The following HPGDS variants were observed in gnomAD, a reference collection of about 807,000 sequenced individuals.
HPGDS encodes GST class-sigma.
Under a neutral mutation model 23.1 loss-of-function variants are expected in HPGDS, and 26 were observed. The observed-to-expected ratio is 1.13, with a 90% confidence interval of 0.83 to 1.56. The LOEUF is 1.56. HPGDS is among the 40% of genes most tolerant of loss of function. The pLI, the probability that HPGDS is intolerant of heterozygous loss-of-function variation, is 0.00. For synonymous variants in HPGDS, 95 were observed against 77.9 expected (o/e 1.22, Z -1.16); for missense variants, 268 against 236.4 (o/e 1.13, Z -0.88).
intron 3 of HPGDS, among the ~76,000 whole-genome samples, chr4:94,312,689 A>G (rs1017763284): frequency 6.6e-6 from 1 of 152,118 alleles, no homozygotes; most frequent in Admixed American, 6.6e-5. Flanking sequence ...ATTCCTGGAT[A>G]TCCTTGTTAA....
intron 2 of HPGDS, among the ~76,000 whole-genome samples, chr4:94,320,518 A>G (rs1435926250): frequency 6.6e-6 from 1 of 152,192 alleles, no homozygotes; most frequent in Non-Finnish European, 1.5e-5. Flanking sequence ...ACCAGTGATG[A>G]CGAGCATTTT....
At chr4:94,340,280 T>G (rs1314821586) in intron 1 of HPGDS, among the ~76,000 whole-genome samples, 17 of 62,980 alleles carry the variant, frequency 2.7e-4, no homozygotes, top group African/African-American at 8.7e-4. Flanking sequence ...TTTCTTTCTT[T>G]CTTTCTTTCT....
chr4:94,305,522 T>C (rs1273331306), intron 4 of HPGDS, among the ~76,000 whole-genome samples: 2 of 152,148 alleles, frequency 1.3e-5, no homozygotes, highest in East Asian at 3.8e-4. Context: ...TGCTTAAATA[T>C]GTGCTTAAGT....
intron 3 of HPGDS, among the ~76,000 whole-genome samples, chr4:94,311,154 C>G (rs1027621298): frequency 6.6e-6 from 1 of 152,148 alleles, no homozygotes; most frequent in Non-Finnish European, 1.5e-5. Context: ...ATTGCCCTGG[C>G]CAGAACTTCC....
intron 2 of HPGDS, among the ~76,000 whole-genome samples, chr4:94,329,973 G>C (rs1253856940): frequency 6.6e-6 from 1 of 152,194 alleles, no homozygotes; most frequent in Non-Finnish European, 1.5e-5. Context: ...ATGATGTCTA[G>C]TCTTGTGACA....
chr4:94,312,636 C>A (rs537500338), intron 3 of HPGDS, among the ~76,000 whole-genome samples: 1 of 152,238 alleles, frequency 6.6e-6, no homozygotes, highest in African/African-American at 2.4e-5. Flanking sequence ...GTGGAGAGTT[C>A]TGTAGATGTC....
intron 5 of HPGDS, among the ~76,000 whole-genome samples, chr4:94,300,351 T>C (rs1756016422): frequency 6.6e-6 from 1 of 152,216 alleles, no homozygotes; most frequent in African/African-American, 2.4e-5. Flanking sequence ...GACAGCCTGG[T>C]CCTACCATTG....
At chr4:94,313,578 C>T (rs1188749844) in intron 3 of HPGDS, among the ~76,000 whole-genome samples, 6 of 152,108 alleles carry the variant, frequency 3.9e-5, no homozygotes, top group African/African-American at 1.4e-4. Flanking sequence ...ACATTTTTTC[C>T]TTCATTTCAA....
At chr4:94,313,103 T>G (rs1460418516) in intron 3 of HPGDS, among the ~76,000 whole-genome samples, 1 of 152,234 alleles carries the variant, frequency 6.6e-6, no homozygotes, top group East Asian at 1.9e-4. Flanking sequence ...TTTGCCAGTC[T>G]GTGTCTTTTA....
At chr4:94,325,164 G>A (rs190997294) in intron 2 of HPGDS, among the ~76,000 whole-genome samples, 233 of 152,266 alleles carry the variant, frequency 1.5e-3, no homozygotes, top group African/African-American at 5.3e-3. Context: ...TCATCTCAGA[G>A]GGACACCCAG....
At chr4:94,313,121 C>G (rs1384506483) in intron 3 of HPGDS, among the ~76,000 whole-genome samples, 4 of 152,138 alleles carry the variant, frequency 2.6e-5, no homozygotes, top group Non-Finnish European at 4.4e-5. Context: ...TTAATTGGAG[C>G]ATTTAGGCCA....
intron 3 of HPGDS, among the ~76,000 whole-genome samples, chr4:94,317,367 C>A (rs2126040034): frequency 6.6e-6 from 1 of 152,236 alleles, no homozygotes; most frequent in South Asian, 2.1e-4. Context: ...GGCACTAATG[C>A]AACAATCCGG....
At chr4:94,309,804 T>A (rs1169364295) in intron 3 of HPGDS, among the ~76,000 whole-genome samples, 1 of 151,984 alleles carries the variant, frequency 6.6e-6, no homozygotes, top group Non-Finnish European at 1.5e-5. Flanking sequence ...GTTTCCTGAC[T>A]TTTTAATGAT....
At chr4:94,310,192 T>A (rs1756234989) in intron 3 of HPGDS, among the ~76,000 whole-genome samples, 1 of 152,248 alleles carries the variant, frequency 6.6e-6, no homozygotes, top group Admixed American at 6.5e-5. Context: ...GTTTTAGACA[T>A]GAAGTCCCTG....
chr4:94,304,257 C>T (rs1756100605), intron 4 of HPGDS, among the ~76,000 whole-genome samples: 1 of 152,110 alleles, frequency 6.6e-6, no homozygotes, highest in Non-Finnish European at 1.5e-5. Context: ...GGAACCACGA[C>T]ATCAGAATGT....
At chr4:94,326,538 T>C (rs1043685997) in intron 2 of HPGDS, among the ~76,000 whole-genome samples, 3 of 152,152 alleles carry the variant, frequency 2.0e-5, no homozygotes, top group African/African-American at 4.8e-5. Flanking sequence ...TTGAATTCTT[T>C]AGCTCCAGAA....
chr4:94,327,862 G>A (rs1417115637), intron 2 of HPGDS, among the ~76,000 whole-genome samples: 1 of 152,226 alleles, frequency 6.6e-6, no homozygotes, highest in African/African-American at 2.4e-5. Context: ...AAGGGCTCCA[G>A]GGATGTGGAG....
intron 2 of HPGDS, among the ~76,000 whole-genome samples, chr4:94,320,209 CTGCAATAAACATACATG>C (rs1449292190): frequency 6.6e-6 from 1 of 152,112 alleles, no homozygotes; most frequent in Non-Finnish European, 1.5e-5. Context: ...GTTAATAGTG[CTGCAATAAACATACATG>C]TGCATGTGTC....
intron 2 of HPGDS, among the ~76,000 whole-genome samples, chr4:94,323,281 G>A (rs1307932426): frequency 1.3e-5 from 2 of 152,288 alleles, no homozygotes; most frequent in East Asian, 3.9e-4. Flanking sequence ...TGTTAGGTCT[G>A]CTTGTGCAGA....
Sources: allele counts gnomAD v4.1 joint callset (sites outside exome capture counted in the v4.1 genomes callset), GRCh38; gene constraint gnomAD v4.1.1; transcripts MANE v1.5; gene names NCBI Gene and HGNC (gene_info 2026-07-23, HGNC 2026-07-21).